The following PIK3CD variants were observed in gnomAD, a reference collection of about 807,000 sequenced individuals.
The protein encoded by PIK3CD is phosphatidylinositol-4,5-bisphosphate 3-kinase catalytic subunit delta, also known as phosphatidylinositol 4,5-bisphosphate 3-kinase catalytic subunit delta isoform.
Under a neutral mutation model 122.9 loss-of-function variants are expected in PIK3CD, and 20 were observed. That is an observed-to-expected ratio of 0.16 (90% CI 0.11 to 0.24). PIK3CD has a LOEUF of 0.24. PIK3CD is among the 10% of genes least tolerant of loss of function. PIK3CD has a pLI of 1.00. For missense variants in PIK3CD, 787 were observed against 1,406.3 expected (o/e 0.56, Z 7.04); for synonymous variants, 596 against 593.4 (o/e 1.00, Z -0.06).
intron 2 of PIK3CD, among the ~76,000 whole-genome samples, chr1:9,695,773 C>T (rs1280074445): frequency 6.0e-5 from 9 of 149,778 alleles, no homozygotes; most frequent in South Asian, 2.1e-4. Context: ...ACCCGGGAGG[C>T]GGAGGCTGCA....
chr1:9,688,654 C>T (rs1301629218), intron 1 of PIK3CD, among the ~76,000 whole-genome samples: 3 of 152,086 alleles, frequency 2.0e-5, no homozygotes, highest in Non-Finnish European at 4.4e-5. Context: ...GTTAGACCCC[C>T]GCCTCTACAA....
At chr1:9,674,692 C>CAAAAAAAAAAA (rs35463378) in intron 1 of PIK3CD, among the ~76,000 whole-genome samples, 1 of 58,200 alleles carries the variant, frequency 1.7e-5, no homozygotes, top group Non-Finnish European at 3.8e-5. Context: ...GACTCCGTCT[C>CAAAAAAAAAAA]AAAAAAAAAA....
rs1291694116 is a variant in PIK3CD, at chr1:9,723,552, C to T, written c.2594+260C>T. Among the ~76,000 whole-genome samples, 3 of 152,208 alleles carry T rather than the reference C, an allele frequency of 2.0e-5. No homozygotes were observed. Among genetic ancestry groups the T allele is most frequent in the Non-Finnish European group, 4.4e-5 (3 of 68,036 alleles). On this transcript the variant is annotated intron_variant, in intron 20 of 23. Transcript: ENST00000377346. This position sits in a 1 kb window ranked among gnomAD's most constrained non-coding sequence, Gnocchi z 4.9. ...CATTTACGATTGGCTCACAGATCTGCAGCTGGGGCTGGGCTCAGCCGGGTG... is the reference window on the plus strand; with the variant it reads ...CATTTACGATTGGCTCACAGATCTGTAGCTGGGGCTGGGCTCAGCCGGGTG...
chr1:9,726,932 AGAG>A lies in PIK3CD; in HGVS notation c.3029_3031del (p.Glu1010del). 6.2e-7 allele frequency: 1 copy of A among 1,613,888 alleles called. No homozygotes were observed. Among genetic ancestry groups the A allele is most frequent in the Non-Finnish European group, 8.5e-7 (1 of 1,179,866 alleles). ...AGGACTCCCTGGCACTGGGGAAAAC[AGAG>A]GAGGAGGCACTGAAGCACTTCCGAG... On this transcript the variant is annotated inframe_deletion, in exon 24 of 24. Coordinates refer to ENST00000377346, the MANE Select transcript of PIK3CD (RefSeq NM_005026.5).
intron 3 of PIK3CD, among the ~76,000 whole-genome samples, chr1:9,711,972 C>G (rs1026890945): frequency 6.6e-6 from 1 of 151,678 alleles, no homozygotes; most frequent in African/African-American, 2.4e-5. Flanking sequence ...TCTCGGCTCG[C>G]TGCAAGCTCC....
At chr1:9,696,725 CAAAA>C (rs201750410) in intron 2 of PIK3CD, among the ~76,000 whole-genome samples, 2,024 of 119,368 alleles carry the variant, frequency 0.017, 42 homozygotes, top group African/African-American at 0.058. Context: ...GACCCTGTCC[CAAAA>C]AAAAAAAAAG....
At position 9,727,587 on chromosome 1, in the gene PIK3CD, C is replaced by A; in HGVS notation, c.*541C>A. The A allele has an allele frequency of 4.4e-6, 1 of 229,398 alleles. No homozygotes were observed. Among genetic ancestry groups the A allele is most frequent in the Non-Finnish European group, 8.8e-6 (1 of 113,144 alleles). The allele number at this position is 229,398 out of a possible 1,614,324, so 14.2% of individuals were successfully genotyped here. ...TGGGTCTTGGGTACGAGAATTCCCT[C>A]ATCTTTCTCTACTGTAAAGTGATTT... On this transcript the variant is annotated 3_prime_UTR_variant, in exon 24 of 24. Coordinates refer to ENST00000377346, the MANE Select transcript of PIK3CD (RefSeq NM_005026.5).
chr1:9,648,085 C>T (rs546127022), upstream of PIK3CD, among the ~76,000 whole-genome samples: 28 of 152,098 alleles, frequency 1.8e-4, no homozygotes, highest in Non-Finnish European at 3.4e-4. Flanking sequence ...GGGTCTTGTC[C>T]CAATCAATGG....
At chr1:9,665,767 C>T (rs895959560) in intron 1 of PIK3CD, among the ~76,000 whole-genome samples, 5 of 151,132 alleles carry the variant, frequency 3.3e-5, no homozygotes, top group Non-Finnish European at 7.4e-5. Flanking sequence ...TTTTTTTTGT[C>T]CCCCAAGACG....
chr1:9,630,246 C>G, the PIK3CD span, among the ~76,000 whole-genome samples: 24 of 152,370 alleles, frequency 1.6e-4, no homozygotes, highest in East Asian at 2.5e-3. Context: ...CTCCCTACCC[C>G]CCGGAGGCCG....
chr1:9,710,739 T>A lies in PIK3CD; in HGVS notation c.141+143T>A, dbSNP rs1647017318. 2 of 873,622 alleles carry A rather than the reference T, an allele frequency of 2.3e-6. No individual in the cohort carries two copies. The highest frequency in any genetic ancestry group is 1.6e-5 in the African/African-American group (1 of 60,668). 54.1% of individuals were successfully genotyped at this position (873,622 alleles called of 1,614,324 possible). On this transcript the variant is annotated intron_variant, in intron 3 of 23. Transcript: ENST00000377346. This position sits in a 1 kb window ranked among gnomAD's most constrained non-coding sequence, Gnocchi z 4.7. ...TGGACAGATGCACTGCTTTTCAGAC[T>A]TGGGATCCTCAGATGAGAATTTTAA...
Position 9,723,063 on chromosome 1 carries a change from A to C in PIK3CD, c.2427-62A>C. ...GGGGCACCATGAGTTTCTGGGGCTCAAGTGGCCTCAGGGACAGCCCTTGAC... is the reference window on the plus strand; with the variant it reads ...GGGGCACCATGAGTTTCTGGGGCTCCAGTGGCCTCAGGGACAGCCCTTGAC... On this transcript the variant is annotated intron_variant, in intron 19 of 23. Coordinates refer to ENST00000377346, the MANE Select transcript of PIK3CD (RefSeq NM_005026.5). This position sits in a 1 kb window ranked among gnomAD's most constrained non-coding sequence, Gnocchi z 4.9. 1 of 1,540,682 alleles carries C rather than the reference A, an allele frequency of 6.5e-7. No individual in the cohort carries two copies. The highest frequency in any genetic ancestry group is 9.0e-7 in the Non-Finnish European group (1 of 1,115,070).
At chr1:9,721,895 C>G (rs537429466) in intron 16 of PIK3CD, 35 bp downstream of exon 16, 1 of 1,610,926 alleles carries the variant, frequency 6.2e-7, no homozygotes, top group African/African-American at 1.3e-5. Context: ...GGGCAGGGGG[C>G]GGCCCTGAGC....
At chr1:9,667,236 C>G (rs908751909) in intron 1 of PIK3CD, among the ~76,000 whole-genome samples, 1 of 151,982 alleles carries the variant, frequency 6.6e-6, no homozygotes, top group African/African-American at 2.4e-5. Context: ...GAGGCTGAGG[C>G]GAGAGGATTG....
chr1:9,640,005 G>A, the PIK3CD span, among the ~76,000 whole-genome samples: 983 of 152,046 alleles, frequency 6.5e-3, 2 homozygotes, highest in Middle Eastern at 0.048. Context: ...TCCTCCCAAA[G>A]TGCTAGGATT....
chr1:9,696,570 A>G (rs1167723150), intron 2 of PIK3CD, among the ~76,000 whole-genome samples: 1 of 151,876 alleles, frequency 6.6e-6, no homozygotes, highest in Non-Finnish European at 1.5e-5. Flanking sequence ...TGGGCAACAT[A>G]GTGAGACCCC....
In PIK3CD at chr1:9,727,091, G is replaced by T; in HGVS notation, c.*45G>T. ...GCCCAAGAGGAGGCGGCTGCGGGTCGTGGGGACCAAGCACATTGGTCCTAA... is the reference window on the plus strand; with the variant it reads ...GCCCAAGAGGAGGCGGCTGCGGGTCTTGGGGACCAAGCACATTGGTCCTAA... On this transcript the variant is annotated 3_prime_UTR_variant, in exon 24 of 24. Transcript: ENST00000377346. 1.9e-6 allele frequency: 3 copies of T among 1,612,288 alleles called. No individual in the cohort carries two copies. The highest frequency in any genetic ancestry group is 2.5e-6 in the Non-Finnish European group (3 of 1,178,924).
chr1:9,666,227 C>CTTTTT lies in PIK3CD; in HGVS notation c.-138+14452_-138+14456dup, dbSNP rs573382597. Among the ~76,000 whole-genome samples the CTTTTT allele has an allele frequency of 7.7e-3, 339 of 44,208 alleles. 66 individuals carry two copies. The highest frequency in any genetic ancestry group is 0.014 in the Middle Eastern group (1 of 74). The allele number at this position is 44,208 out of a possible 152,430, so 29.0% of individuals were successfully genotyped here. A position where few individuals can be genotyped will look rare whatever the true frequency, so the allele number is the denominator to read the frequency against. ...ACAGGCATGAGCCACCGCGCCCGGT[C>CTTTTT]TTTTTTTTTTTTTTTTTTTTTTTTT... is the stretch of plus-strand genomic sequence containing the variant. On this transcript the variant is annotated intron_variant, in intron 1 of 23. Coordinates refer to ENST00000377346, the MANE Select transcript of PIK3CD (RefSeq NM_005026.5).
chr1:9,662,782 G>C (rs144418316), intron 1 of PIK3CD, among the ~76,000 whole-genome samples: 1 of 151,764 alleles, frequency 6.6e-6, no homozygotes, highest in Non-Finnish European at 1.5e-5. Context: ...TCTACCTCCC[G>C]CGTCCTAGCA....
Sources: allele counts gnomAD v4.1 joint callset (sites outside exome capture counted in the v4.1 genomes callset), GRCh38; gene constraint gnomAD v4.1.1; non-coding constraint Gnocchi (gnomAD v3.1); transcripts MANE v1.5; gene names NCBI Gene and HGNC (gene_info 2026-07-23, HGNC 2026-07-21).